NID1: variants seen among roughly 807,000 people sequenced by gnomAD.
NID1 encodes the protein nidogen-1.
Under a neutral mutation model 130.6 loss-of-function variants are expected in NID1, and 76 were observed. The observed-to-expected ratio is 0.58, with a 90% CI of 0.48 to 0.70. The LOEUF is 0.70. Among genes scored for constraint, NID1 ranks in the 30% least tolerant of loss-of-function variants. The pLI, the probability that NID1 is intolerant of heterozygous loss-of-function variation, is 0.00. For synonymous variants in NID1, 665 were observed against 675.1 expected (o/e 0.98, Z 0.23); for missense variants, 1,517 against 1,664.8 (o/e 0.91, Z 1.54).
intron 11 of NID1, 118 bp from the exon 12 acceptor site, chr1:236,012,161 T>A: frequency 7.9e-7 from 1 of 1,269,394 alleles, no homozygotes; most frequent in Non-Finnish European, 1.1e-6. Flanking sequence ...CTGGGAACAG[T>A]AATCCAAAAC....
At chr1:235,988,456 G>C (rs1007319184) in intron 14 of NID1, among the ~76,000 whole-genome samples, 16 of 152,154 alleles carry the variant, frequency 1.1e-4, no homozygotes, top group African/African-American at 3.9e-4. Flanking sequence ...CAACCACTGT[G>C]GAAAACAGTA....
At chr1:236,012,773 G>A (rs1658471225) in intron 11 of NID1, among the ~76,000 whole-genome samples, 1 of 152,096 alleles carries the variant, frequency 6.6e-6, no homozygotes, top group Non-Finnish European at 1.5e-5. Context: ...TAAAGAGAAA[G>A]TATCTCAGAA....
At chr1:236,002,539 G>A (rs1388590278) in intron 12 of NID1, among the ~76,000 whole-genome samples, 1 of 144,210 alleles carries the variant, frequency 6.9e-6, no homozygotes, top group Non-Finnish European at 1.5e-5. Flanking sequence ...AACAAAAAAT[G>A]ACGATAAATC....
In NID1 at chr1:235,980,668, A is replaced by C. The variant is rs192741635; in HGVS notation, c.3228-15T>G. On this transcript the variant is annotated splice_polypyrimidine_tract_variant and intron_variant, in intron 16 of 19. Transcript: ENST00000264187. ...AGTAAAGGTTCCTGGAGGAGGAAAA[A>C]GGGGGGAAAGAGGAAAAGAAATAAT... 1 of 1,608,774 alleles carries C rather than the reference A, an allele frequency of 6.2e-7. No individual in the cohort carries two copies. The highest frequency in any genetic ancestry group is 8.5e-7 in the Non-Finnish European group (1 of 1,177,284).
At chr1:236,040,318 C>A (rs1382743177) in intron 4 of NID1, among the ~76,000 whole-genome samples, 2 of 152,156 alleles carry the variant, frequency 1.3e-5, no homozygotes, top group African/African-American at 4.8e-5. Flanking sequence ...CTTGTCCTGC[C>A]ACCAAATGGC....
chr1:235,983,272 T>C (rs1657487648), intron 15 of NID1, among the ~76,000 whole-genome samples: 2 of 152,354 alleles, frequency 1.3e-5, no homozygotes, highest in Admixed American at 6.5e-5. Flanking sequence ...TGACCTTGGA[T>C]GCTGGACACA....
At chr1:236,047,645 C>T (rs575865482) in intron 2 of NID1, among the ~76,000 whole-genome samples, 2 of 152,252 alleles carry the variant, frequency 1.3e-5, no homozygotes, top group South Asian at 4.2e-4. Flanking sequence ...CAACTAGAGT[C>T]TGGGCTTTAC....
intron 16 of NID1, 46 bp downstream of exon 16, chr1:235,981,565 C>T: frequency 6.4e-7 from 1 of 1,562,414 alleles, no homozygotes; most frequent in Non-Finnish European, 8.7e-7. Flanking sequence ...TCTAAAAGGG[C>T]AGATGCAAAT....
At position 235,979,714 on chromosome 1, in the gene NID1, G is replaced by T; in HGVS notation, c.3509+108C>A. On this transcript the variant is annotated intron_variant, in intron 18 of 19. Transcript: ENST00000264187. This position sits in a 1 kb window ranked among gnomAD's most constrained non-coding sequence, Gnocchi z 4.6. ...GGACATCTCTAGAGGGGGCATTTCT[G>T]GAGGCTCAAAAGTCAAGCCAAGAGG... 1.6e-6 allele frequency: 2 copies of T among 1,290,204 alleles called. No individual in the cohort carries two copies. The highest frequency in any genetic ancestry group is 2.2e-6 in the Non-Finnish European group (2 of 909,446). The allele number at this position is 1,290,204 out of a possible 1,614,324, so 79.9% of individuals were successfully genotyped here. A position where few individuals can be genotyped will look rare whatever the true frequency, so the allele number is the denominator to read the frequency against.
chr1:235,999,604 ATGACTCAGACAAGCGTCTTCTTACTCATC>A, intron 12 of NID1, among the ~76,000 whole-genome samples: 1 of 152,168 alleles, frequency 6.6e-6, no homozygotes, highest in East Asian at 1.9e-4. Flanking sequence ...TGATACATTG[ATGACTCAGACAAGCGTCTTCTTACTCATC>A]TAGTTCGAGC....
rs148152098 is a variant in NID1, at chr1:236,011,912, C to T, written c.2527+9G>A. The T allele has an allele frequency of 3.1e-6, 5 of 1,613,470 alleles. 1 individual carries two copies. In the African/African-American group the frequency reaches 4.0e-5, roughly 13 times the overall value. On this transcript the variant is annotated intron_variant, in intron 12 of 19. Transcript: ENST00000264187. Reference sequence around the variant, plus strand: ...TGGGCTACCGACTCCAGATGTCCCACCACCTTACCTCCGGGCACGCAACGG... The same window carrying T: ...TGGGCTACCGACTCCAGATGTCCCATCACCTTACCTCCGGGCACGCAACGG...
chr1:236,040,792 T>C (rs1414051773), intron 4 of NID1, among the ~76,000 whole-genome samples: 4 of 151,904 alleles, frequency 2.6e-5, no homozygotes, highest in Non-Finnish European at 5.9e-5. Context: ...GCCTCCAGAT[T>C]GGCTGGGATT....
In NID1 at chr1:236,038,218, C is replaced by T; in HGVS notation, c.1171G>A (p.Ala391Thr). 1.2e-6 allele frequency: 2 copies of T among 1,613,600 alleles called. No individual in the cohort carries two copies. Among genetic ancestry groups the T allele is most frequent in the East Asian group, 2.2e-5 (1 of 44,868 alleles). ...SYNTDSRQTC[A>T]NNRHQCSVHA... ...ACCGAGCACTGGTGTCTGTTGTTAG[C>T]ACACGTCTGGCGGGAATCCGTGTTA... The change falls in exon 5 of 20, where the codon GCT becomes ACT. Residue 391 changes from alanine to threonine, a missense_variant. Ala to Thr is a moderately conservative substitution (Grantham distance 58). Around this residue, in one of 3 missense-constraint regions of NID1, gnomAD observed 1,329 missense variants for 1,429.2 expected, o/e 0.93. Coordinates refer to ENST00000264187, the MANE Select transcript of NID1 (RefSeq NM_002508.3).
rs59814343 is a variant in NID1, at chr1:236,012,817, CTA to C, written c.2404+592_2404+593del. On this transcript the variant is annotated intron_variant, in intron 11 of 19. Transcript: ENST00000264187. ...TTAGTTGGGACTTTTTAGAAATACTCTATGGTATAATATTAAGTAATTGTGCA... is the reference window on the plus strand; with the variant it reads ...TTAGTTGGGACTTTTTAGAAATACTCTGGTATAATATTAAGTAATTGTGCA... Among the ~76,000 whole-genome samples, 396 of 152,280 alleles carry C rather than the reference CTA, an allele frequency of 2.6e-3. 1 individual carries two copies. Among genetic ancestry groups the C allele is most frequent in the African/African-American group, 8.7e-3 (361 of 41,562 alleles).
rs1182911978 is a variant in NID1, at chr1:235,977,952, G to T, written c.3659C>A (p.Thr1220Asn). 1 of 1,613,942 alleles carries T rather than the reference G, an allele frequency of 6.2e-7. No homozygotes were observed. Among genetic ancestry groups the T allele is most frequent in the Non-Finnish European group, 8.5e-7 (1 of 1,180,008 alleles). The change falls in exon 20 of 20, where the codon ACC becomes AAC. Residue 1220 changes from threonine to asparagine, a missense_variant. Physicochemically the swap from Thr to Asn is moderately conservative, Grantham distance 65. This residue lies in a region of NID1 where 181 missense variants were observed against 211.3 expected (regional missense o/e 0.86). Transcript: ENST00000264187. ...NYCSVNNGGC[T>N]HLCLATPGSR... The stretch of plus-strand genomic sequence containing the variant: ...CCCTGGGGTGGCCAAGCATAGGTGG[G>T]TGCAGCCGCCATTGTTCACTGAGCA...
chr1:236,064,729 C>T (rs1408576604), intron 1 of NID1, 126 bp downstream of exon 1: 2 of 772,600 alleles, frequency 2.6e-6, no homozygotes, highest in South Asian at 1.9e-5. Flanking sequence ...CTGCGCCGTG[C>T]CCGGTGCCCC....
At chr1:236,000,219 A>C (rs748103036) in intron 12 of NID1, among the ~76,000 whole-genome samples, 4 of 152,030 alleles carry the variant, frequency 2.6e-5, no homozygotes, top group Non-Finnish European at 5.9e-5. Flanking sequence ...ATCTCAATTA[A>C]AACAACAACA....
Position 236,048,802 on chromosome 1 carries a change from A to T in NID1, c.413T>A (p.Val138Asp). 1 of 1,614,086 alleles carries T rather than the reference A, an allele frequency of 6.2e-7. No homozygotes were observed. Among genetic ancestry groups the T allele is most frequent in the Non-Finnish European group, 8.5e-7 (1 of 1,180,018 alleles). ...PSITQRAAECVHRGFPEISFQ... is the reference protein window; with the variant it reads ...PSITQRAAECDHRGFPEISFQ... Reference sequence around the variant, plus strand: ...AGAGATCTCCGGGAACCCTCTGTGGACACACTCTGCTGCTCGCTGAGTGAT... The same window carrying T: ...AGAGATCTCCGGGAACCCTCTGTGGTCACACTCTGCTGCTCGCTGAGTGAT... The change falls in exon 2 of 20, where the codon GTC (valine) becomes GAC (aspartate). Residue 138 changes from valine (V) to aspartate (D), a missense_variant. By Grantham distance (152) the Val-to-Asp change is radical (BLOSUM62 -3). This residue lies in a region of NID1 where 1,329 missense variants were observed against 1,429.2 expected (regional missense o/e 0.93). Coordinates refer to ENST00000264187, the MANE Select transcript of NID1 (RefSeq NM_002508.3).
Position 236,045,647 on chromosome 1 carries a change from A to G in NID1, c.562T>C (p.Ser188Pro). Residue 188 changes from serine (S) to proline (P), a missense_variant, in exon 3 of 20, where the codon TCC becomes CCC. Ser to Pro is a moderately conservative substitution (Grantham distance 74). Transcript: ENST00000264187. ...TFQAVLASSD[S>P]SSYAIFLYPE... The stretch of plus-strand genomic sequence containing the variant: ...TAAAGGAAAATGGCATAGGAGCTGG[A>G]ATCAGAGGAGGCTAGAACAGCCTGG... 6.2e-7 allele frequency: 1 copy of G among 1,614,164 alleles called. No homozygotes were observed. Among genetic ancestry groups the G allele is most frequent in the Non-Finnish European group, 8.5e-7 (1 of 1,180,028 alleles).
Sources: allele counts gnomAD v4.1 joint callset (sites outside exome capture counted in the v4.1 genomes callset), GRCh38; gene constraint gnomAD v4.1.1; regional missense constraint gnomAD v4.1.1; non-coding constraint Gnocchi (gnomAD v3.1); transcripts MANE v1.5; gene names NCBI Gene and HGNC (gene_info 2026-07-23, HGNC 2026-07-21).